The following RIMS2 variants were observed in gnomAD, a reference collection of about 807,000 sequenced individuals.
The protein encoded by RIMS2 is regulating synaptic membrane exocytosis protein 2.
A neutral mutation model predicts 174.4 loss-of-function variants in RIMS2; 59 were observed. The ratio of observed to expected loss-of-function variants is 0.34; its 90% CI spans 0.27 to 0.42. RIMS2 has a LOEUF of 0.42. RIMS2 is among the 10% of genes least tolerant of loss of function. The probability of loss-of-function intolerance (pLI) is 1.00; values close to 1 mark genes in which losing one functional copy is unlikely to be tolerated. For missense variants in RIMS2, 1,620 were observed against 1,666.3 expected, an observed-to-expected ratio of 0.97 and a Z score of 0.48; for synonymous variants, 606 against 572.5, an observed-to-expected ratio of 1.06 and a Z score of -0.84.
In RIMS2 at chr8:103,886,219, A is replaced by G. The variant is rs762296337; in HGVS notation, c.1620A>G (p.Glu540=). The stretch of plus-strand genomic sequence containing the variant: ...AGATTGAAAGTGAGAGTGTAAGTGA[A>G]AAAGGTAAGCTTTCTAATCATACAT... The change falls in exon 4 of 24, where the codon GAA becomes GAG. Residue 540 remains glutamate (E), a synonymous_variant. Coordinates refer to ENST00000504942, the Ensembl canonical transcript of RIMS2. The G allele has an allele frequency of 7.5e-6, 12 of 1,606,136 alleles. No homozygotes were observed. The Admixed American group carries it at 2.0e-4, about 27-fold the overall frequency.
At chr8:103,686,331 C>T (rs1415530146) in intron 1 of RIMS2, among the ~76,000 whole-genome samples, 1 of 151,846 alleles carries the variant, frequency 6.6e-6, no homozygotes, top group Non-Finnish European at 1.5e-5. Context: ...CTTTTCTTTT[C>T]TTGCCTTAAT....
intron 2 of RIMS2, among the ~76,000 whole-genome samples, chr8:103,713,253 A>C (rs997811045): frequency 7.2e-5 from 11 of 152,198 alleles, no homozygotes; most frequent in African/African-American, 2.7e-4. Context: ...TACTGACCTC[A>C]GGTGATCTGC....
intron 1 of RIMS2, among the ~76,000 whole-genome samples, chr8:103,503,064 A>G (rs1821237536): frequency 6.6e-6 from 1 of 151,998 alleles, no homozygotes; most frequent in African/African-American, 2.4e-5. Context: ...GATAGAAACA[A>G]ATGTTCTCTA....
intron 2 of RIMS2, among the ~76,000 whole-genome samples, chr8:103,722,344 G>A (rs572809208): frequency 3.3e-5 from 5 of 152,140 alleles, no homozygotes; most frequent in South Asian, 2.1e-4. Context: ...TTATTACATT[G>A]TAATATATAA....
At chr8:104,036,801 C>A (rs374259275) in intron 19 of RIMS2, among the ~76,000 whole-genome samples, 3 of 151,938 alleles carry the variant, frequency 2.0e-5, no homozygotes, top group South Asian at 4.2e-4. Flanking sequence ...CGCTTGAACC[C>A]GGGAGGCGGA....
intron 19 of RIMS2, among the ~76,000 whole-genome samples, chr8:104,073,265 T>C (rs1240545567): frequency 6.6e-6 from 1 of 152,182 alleles, no homozygotes; most frequent in Admixed American, 6.5e-5. Flanking sequence ...ATAATGCTTA[T>C]TTAAACATAT....
intron 1 of RIMS2, among the ~76,000 whole-genome samples, chr8:103,602,337 G>T (rs1411923581): frequency 1.3e-5 from 2 of 152,118 alleles, no homozygotes; most frequent in East Asian, 1.9e-4. Flanking sequence ...GGTTACGTGT[G>T]CAGGTTTTTA....
chr8:103,870,859 A>G (rs1258827082), intron 3 of RIMS2, among the ~76,000 whole-genome samples: 1 of 152,210 alleles, frequency 6.6e-6, no homozygotes, highest in African/African-American at 2.4e-5. Flanking sequence ...GTTTAACCAT[A>G]GGATTACAAC....
intron 1 of RIMS2, among the ~76,000 whole-genome samples, chr8:103,613,039 C>T (rs1490797867): frequency 6.6e-6 from 1 of 152,070 alleles, no homozygotes; most frequent in Non-Finnish European, 1.5e-5. Context: ...TACTTAAGTC[C>T]CTGGTTACCA....
At chr8:104,192,685 T>A (rs1223721994) in intron 19 of RIMS2, among the ~76,000 whole-genome samples, 2 of 152,160 alleles carry the variant, frequency 1.3e-5, no homozygotes, top group Admixed American at 6.5e-5. Context: ...AAGAGATCCA[T>A]GTGATATTTT....
intron 19 of RIMS2, chr8:104,223,569 CCCGGAACCGCT>C: frequency 6.8e-7 from 1 of 1,461,936 alleles, no homozygotes; most frequent in Non-Finnish European, 9.0e-7. Context: ...GCCCACTGGT[CCCGGAACCGCT>C]GCGGACGCTG....
intron 3 of RIMS2, among the ~76,000 whole-genome samples, chr8:103,773,630 T>C (rs532482037): frequency 6.6e-6 from 1 of 151,998 alleles, no homozygotes; most frequent in Non-Finnish European, 1.5e-5. Flanking sequence ...TCAGGAAGGC[T>C]GAGACAGGAG....
intron 2 of RIMS2, among the ~76,000 whole-genome samples, chr8:103,764,756 A>G (rs1206112356): frequency 6.6e-6 from 1 of 152,164 alleles, no homozygotes; most frequent in Non-Finnish European, 1.5e-5. Context: ...TATTATTACC[A>G]TATTTCCCCC....
At chr8:103,936,839 T>C in intron 13 of RIMS2, 117 bp downstream of exon 15, 1 of 729,464 alleles carries the variant, frequency 1.4e-6, no homozygotes, top group Non-Finnish European at 2.1e-6. Flanking sequence ...CTCATGCCTG[T>C]AATCTCAGCA....
At chr8:104,136,723 C>T (rs1314965967) in intron 19 of RIMS2, among the ~76,000 whole-genome samples, 1 of 152,060 alleles carries the variant, frequency 6.6e-6, no homozygotes, top group Non-Finnish European at 1.5e-5. Flanking sequence ...CACCTGTTCT[C>T]ACTTATAAGT....
At chr8:103,819,240 CA>C (rs34191343) in intron 3 of RIMS2, 1 of 1,266,886 alleles carries the variant, frequency 7.9e-7, no homozygotes, top group Non-Finnish European at 1.0e-6. Context: ...TGGGAATGCC[CA>C]AAAAGCTTAC....
intron 1 of RIMS2, among the ~76,000 whole-genome samples, chr8:103,566,485 TG>T (rs1422728006): frequency 2.0e-5 from 3 of 152,162 alleles, no homozygotes; most frequent in East Asian, 1.9e-4. Context: ...GTTGGGAAAA[TG>T]GAGTGTATAA....
In RIMS2 at chr8:103,790,393, A is replaced by T. The variant is rs141197147; in HGVS notation, c.698+23856A>T. ...TGTTACTGGCTCTTTCAGTTAGCAT[A>T]ATGTTTTCAAAGTTCATTGATTATA... On this transcript the variant is annotated intron_variant, in intron 3 of 23. Coordinates refer to ENST00000504942, the Ensembl canonical transcript of RIMS2. Among the ~76,000 whole-genome samples the T allele has an allele frequency of 2.7e-3, 415 of 152,282 alleles. 3 individuals carry two copies. Among genetic ancestry groups the T allele is most frequent in the Admixed American group, 0.014 (217 of 15,300 alleles).
intron 1 of RIMS2, among the ~76,000 whole-genome samples, chr8:103,622,370 G>GT (rs551004683): frequency 1.4e-4 from 21 of 151,942 alleles, no homozygotes; most frequent in African/African-American, 5.1e-4. Context: ...ACCTCTAAGT[G>GT]TTTTTTTAAT....
Sources: allele counts gnomAD v4.1 joint callset (sites outside exome capture counted in the v4.1 genomes callset), GRCh38; gene constraint gnomAD v4.1.1; transcripts MANE v1.5; gene names NCBI Gene and HGNC (gene_info 2026-07-23, HGNC 2026-07-21).